The following ULK4 variants were observed in gnomAD, a reference collection of about 807,000 sequenced individuals.
ULK4 encodes the protein unc-51 like kinase 4.
ULK4 carries 133 observed loss-of-function variants against 160.6 expected under a neutral mutation model. The observed-to-expected ratio is 0.83, with a 90% CI of 0.72 to 0.96. ULK4 has a LOEUF of 0.96. ULK4 is among the 40% of genes least tolerant of loss of function. The probability of loss-of-function intolerance (pLI) is 0.00; values close to 1 mark genes in which losing one functional copy is unlikely to be tolerated. For missense variants in ULK4, 1,580 were observed against 1,499.5 expected, an observed-to-expected ratio of 1.05 and a Z score of -0.89; for synonymous variants, 534 against 539.8, an observed-to-expected ratio of 0.99 and a Z score of 0.15.
chr3:41,368,907 A>G (rs2081306740), intron 35 of ULK4, among the ~76,000 whole-genome samples: 1 of 152,186 alleles, frequency 6.6e-6, no homozygotes, highest in Admixed American at 6.5e-5. Context: ...AATTACAAAA[A>G]TATTTTTTCA....
intron 34 of ULK4, among the ~76,000 whole-genome samples, chr3:41,440,602 T>C (rs2083142547): frequency 6.6e-6 from 1 of 152,156 alleles, no homozygotes. Context: ...TCATACAGGA[T>C]ATTGGTAGTT....
chr3:41,497,215 G>T (rs867176757), intron 32 of ULK4, among the ~76,000 whole-genome samples: 2 of 152,054 alleles, frequency 1.3e-5, no homozygotes, highest in African/African-American at 2.4e-5. Flanking sequence ...ATGAAAACAT[G>T]TATTATCTGA....
At chr3:41,743,548 A>T (rs2038313854) in intron 22 of ULK4, among the ~76,000 whole-genome samples, 6 of 152,064 alleles carry the variant, frequency 3.9e-5, no homozygotes, top group Admixed American at 3.9e-4. Flanking sequence ...TTAGAGGTAG[A>T]TGCAACAGTC....
intron 3 of ULK4, chr3:41,937,364 C>G (rs1210393690): frequency 2.8e-5 from 19 of 682,142 alleles, no homozygotes; most frequent in Non-Finnish European, 4.5e-5. Flanking sequence ...AAAATAAAAT[C>G]AAATAAGTTA....
chr3:41,559,006 C>G (rs2087437460), intron 32 of ULK4, among the ~76,000 whole-genome samples: 4 of 133,260 alleles, frequency 3.0e-5, no homozygotes, highest in South Asian at 2.6e-4. Context: ...AGGTGTATCT[C>G]CTAATGCTAT....
At chr3:41,369,911 A>AT (rs1212214355) in intron 35 of ULK4, among the ~76,000 whole-genome samples, 1 of 152,208 alleles carries the variant, frequency 6.6e-6, no homozygotes, top group African/African-American at 2.4e-5. Flanking sequence ...AAAAGAAAAA[A>AT]AAAATCTATT....
intron 35 of ULK4, among the ~76,000 whole-genome samples, chr3:41,306,327 G>A (rs1484272463): frequency 3.2e-5 from 4 of 125,780 alleles, no homozygotes; most frequent in Non-Finnish European, 6.3e-5. Flanking sequence ...CCCGCCAGCC[G>A]CCCCATCCGG....
chr3:41,251,992 CTG>C (rs2078751279), intron 35 of ULK4, among the ~76,000 whole-genome samples: 1 of 152,196 alleles, frequency 6.6e-6, no homozygotes, highest in Admixed American at 6.5e-5. Context: ...AATTGAAGAA[CTG>C]AGGTAACAAA....
intron 22 of ULK4, among the ~76,000 whole-genome samples, chr3:41,751,934 A>G (rs2038645648): frequency 6.6e-6 from 1 of 152,182 alleles, no homozygotes. Context: ...GCTCAAATGG[A>G]GTGTGCCCAA....
intron 32 of ULK4, among the ~76,000 whole-genome samples, chr3:41,549,373 G>A (rs2086983222): frequency 6.6e-6 from 1 of 151,776 alleles, no homozygotes; most frequent in African/African-American, 2.4e-5. Context: ...CAGAAAATCT[G>A]GAACTGAAGA....
At chr3:41,817,640 G>A (rs1378204891) in intron 19 of ULK4, among the ~76,000 whole-genome samples, 2 of 152,068 alleles carry the variant, frequency 1.3e-5, no homozygotes, top group African/African-American at 4.8e-5. Context: ...GGTGGACAGG[G>A]AATAAGGGCT....
At chr3:41,478,538 T>C (rs765113583) in intron 32 of ULK4, among the ~76,000 whole-genome samples, 1 of 152,236 alleles carries the variant, frequency 6.6e-6, no homozygotes, top group Non-Finnish European at 1.5e-5. Context: ...TCTGGTAGCC[T>C]GTCCCAAGTG....
chr3:41,408,092 AT>A (rs2082330384), intron 34 of ULK4, among the ~76,000 whole-genome samples: 1 of 151,862 alleles, frequency 6.6e-6, no homozygotes, highest in Non-Finnish European at 1.5e-5. Flanking sequence ...TTATAATAGC[AT>A]TAAAACAAAT....
chr3:41,835,994 AG>A, intron 17 of ULK4, 23 bp from the exon 18 acceptor site: 2 of 1,398,184 alleles, frequency 1.4e-6, no homozygotes, highest in Admixed American at 1.8e-5. Flanking sequence ...AAAAAAAAAA[AG>A]TAAATTATTT....
intron 22 of ULK4, among the ~76,000 whole-genome samples, chr3:41,734,016 G>C (rs2037929188): frequency 6.6e-6 from 1 of 152,026 alleles, no homozygotes; most frequent in African/African-American, 2.4e-5. Flanking sequence ...AGGATTACAG[G>C]CATGAGCCAC....
At chr3:41,748,049 A>T (rs1421953571) in intron 22 of ULK4, among the ~76,000 whole-genome samples, 1 of 152,008 alleles carries the variant, frequency 6.6e-6, no homozygotes, top group African/African-American at 2.4e-5. Context: ...AATTTTACTT[A>T]TATTTTTATA....
In ULK4 at chr3:41,531,208, C is replaced by A. The variant is rs139551982; in HGVS notation, c.3226+34817G>T. Among the ~76,000 whole-genome samples, 237 of 150,332 alleles carry A rather than the reference C, an allele frequency of 1.6e-3. 3 individuals are homozygous for A. The highest frequency in any genetic ancestry group is 5.5e-3 in the African/African-American group (224 of 40,960). On this transcript the variant is annotated intron_variant, in intron 32 of 36. Transcript: ENST00000301831. ...CTGTAATCCCAGCACTTTAGGAGGC[C>A]GAGGCAGGCAGATCACAAGTCAGGA...
chr3:41,320,423 T>C (rs549841850), intron 35 of ULK4, among the ~76,000 whole-genome samples: 2 of 151,854 alleles, frequency 1.3e-5, no homozygotes, highest in Non-Finnish European at 2.9e-5. Flanking sequence ...ACAAGGAGAG[T>C]AGTTGCATCC....
chr3:41,391,157 T>G (rs1196326209), intron 35 of ULK4, among the ~76,000 whole-genome samples: 1 of 152,110 alleles, frequency 6.6e-6, no homozygotes, highest in Non-Finnish European at 1.5e-5. Context: ...ATTCAAAAAG[T>G]TCCCAAATTA....
Sources: allele counts gnomAD v4.1 joint callset (sites outside exome capture counted in the v4.1 genomes callset), GRCh38; gene constraint gnomAD v4.1.1; transcripts MANE v1.5; gene names NCBI Gene and HGNC (gene_info 2026-07-23, HGNC 2026-07-21).